DOCK6: variants seen among roughly 807,000 people sequenced by gnomAD.
DOCK6 encodes the protein dedicator of cytokinesis 6, also known as dedicator of cytokinesis protein 6.
A neutral mutation model predicts 230.3 loss-of-function variants in DOCK6; 167 were observed. The observed-to-expected ratio is 0.73, with a 90% confidence interval of 0.64 to 0.82. The LOEUF (loss-of-function observed/expected upper bound fraction) is 0.82, where lower values mean the gene tolerates loss of function less well. Among genes scored for constraint, DOCK6 ranks in the 40% least tolerant of loss-of-function variants. The probability of loss-of-function intolerance (pLI) is 0.00; values close to 1 mark genes in which losing one functional copy is unlikely to be tolerated. For missense variants in DOCK6, 2,598 were observed against 2,825.8 expected, an observed-to-expected ratio of 0.92 and a Z score of 1.83; for synonymous variants, 1,148 against 1,185.0, an observed-to-expected ratio of 0.97 and a Z score of 0.64.
chr19:11,244,805 G>T (rs1244047084), intron 9 of DOCK6, among the ~76,000 whole-genome samples: 1 of 151,908 alleles, frequency 6.6e-6, no homozygotes, highest in Non-Finnish European at 1.5e-5. Flanking sequence ...TGTTGGCAAG[G>T]TTGGTCTCAA....
chr19:11,252,060 G>C (rs1210781178), intron 5 of DOCK6, 59 bp downstream of exon 5: 2 of 1,558,634 alleles, frequency 1.3e-6, no homozygotes, highest in African/African-American at 1.4e-5. Context: ...GTGACCAAAA[G>C]CTGAGGCCGG....
At chr19:11,262,015 G>A (rs2080298661) in intron 1 of DOCK6, among the ~76,000 whole-genome samples, 1 of 152,172 alleles carries the variant, frequency 6.6e-6, no homozygotes, top group African/African-American at 2.4e-5. Context: ...GGCCCACCCC[G>A]ATCTCCGAGA....
At chr19:11,216,856 G>T in intron 30 of DOCK6, 58 bp downstream of exon 30, 2 of 1,575,026 alleles carry the variant, frequency 1.3e-6, no homozygotes, top group Non-Finnish European at 1.7e-6. Context: ...AGCACGCTGG[G>T]TCCCTGGGTA....
intron 30 of DOCK6, among the ~76,000 whole-genome samples, chr19:11,216,428 G>A (rs1250954707): frequency 6.8e-6 from 1 of 146,966 alleles, no homozygotes; most frequent in Non-Finnish European, 1.5e-5. Flanking sequence ...TTTTTTTTGA[G>A]ATGGAGTCTC....
At chr19:11,259,881 CTTTTTT>C (rs1205836383) in intron 1 of DOCK6, among the ~76,000 whole-genome samples, 2 of 67,780 alleles carry the variant, frequency 3.0e-5, no homozygotes, top group Non-Finnish European at 5.0e-5. Flanking sequence ...CGCGCCCGGC[CTTTTTT>C]TTTTTTTTTT....
rs376594140 is a variant in DOCK6, at chr19:11,200,744, G to T, written c.5911C>A (p.Arg1971=). ...PKLFRHHNKL[R]LCFKDFCKKC... is the part of the protein sequence containing the mutation. The stretch of plus-strand genomic sequence containing the variant: ...TTGCAGAAGTCCTTGAAGCAGAGCC[G>T]CAATTTGTTGTGATGCCGGAAGAGC... Residue 1971 remains arginine, a synonymous_variant, in exon 46 of 48, where the codon CGG becomes AGG. Transcript: ENST00000294618. This position sits in a 1 kb window ranked among gnomAD's most constrained non-coding sequence, Gnocchi z 4.3. 6.2e-7 allele frequency: 1 copy of T among 1,613,438 alleles called. No individual in the cohort carries two copies. Among genetic ancestry groups the T allele is most frequent in the Admixed American group, 1.7e-5 (1 of 59,982 alleles).
chr19:11,257,398 G>C (rs1335206847), intron 1 of DOCK6, among the ~76,000 whole-genome samples: 1 of 150,954 alleles, frequency 6.6e-6, no homozygotes, highest in Non-Finnish European at 1.5e-5. Flanking sequence ...AGGCCAAGGC[G>C]GGAGGATCGC....
intron 28 of DOCK6, among the ~76,000 whole-genome samples, chr19:11,219,727 T>C (rs2079551987): frequency 6.6e-6 from 1 of 151,018 alleles, no homozygotes; most frequent in Non-Finnish European, 1.5e-5. Context: ...GAGGCAGAGC[T>C]TGCAGTGAGC....
chr19:11,219,885 A>G (rs1243290235), intron 28 of DOCK6, among the ~76,000 whole-genome samples: 1 of 152,130 alleles, frequency 6.6e-6, no homozygotes, highest in Non-Finnish European at 1.5e-5. Context: ...ATTGAGGTAC[A>G]GTGAGGTTAA....
chr19:11,245,423 G>C, intron 9 of DOCK6, 140 bp downstream of exon 9: 1 of 934,804 alleles, frequency 1.1e-6, no homozygotes, highest in Non-Finnish European at 1.7e-6. Context: ...GTTGGATCAG[G>C]GGCCTCCTCC....
Position 11,222,161 on chromosome 19 carries a change from C to T in DOCK6, c.3328G>A (p.Ala1110Thr), listed in dbSNP as rs1234926525. 1.2e-6 allele frequency: 2 copies of T among 1,611,672 alleles called. No homozygotes were observed. The highest frequency in any genetic ancestry group is 1.7e-5 in the Admixed American group (1 of 59,592). ...GCCAGCTCCGTCAGCAGGAGCCCAG[C>T]TAGGAAGTGCTGCTGCCGGAATGGT... ...SGPFRQQHFL[A>T]GLLLTELALA... Residue 1110 changes from alanine to threonine, a missense_variant, in exon 27 of 48, where the codon GCT (alanine) becomes ACT (threonine). Coordinates refer to ENST00000294618, the MANE Select transcript of DOCK6 (RefSeq NM_020812.4). The surrounding 1 kb of genome is among the most constrained non-coding windows in gnomAD (Gnocchi z 4.0).
intron 39 of DOCK6, among the ~76,000 whole-genome samples, chr19:11,207,543 G>A (rs1424411040): frequency 6.6e-6 from 1 of 152,138 alleles, no homozygotes; most frequent in Non-Finnish European, 1.5e-5. Flanking sequence ...GGGTGTCCCA[G>A]CTACTTGGGA....
chr19:11,212,689 A>G (rs1309725294), intron 35 of DOCK6, among the ~76,000 whole-genome samples: 1 of 150,098 alleles, frequency 6.7e-6, no homozygotes, highest in Non-Finnish European at 1.5e-5. Flanking sequence ...CAGCCTTCCA[A>G]GTAGCTGGGA....
chr19:11,239,476 C>G, intron 14 of DOCK6: 1 of 906,786 alleles, frequency 1.1e-6, no homozygotes, highest in Non-Finnish European at 1.6e-6. Flanking sequence ...CCGGCGTGGC[C>G]TAGCCGGACA....
chr19:11,219,430 C>T (rs111653966), intron 28 of DOCK6, among the ~76,000 whole-genome samples: 8 of 147,154 alleles, frequency 5.4e-5, no homozygotes, highest in South Asian at 2.2e-4. Flanking sequence ...CCTTGTGATC[C>T]GCCCACCTCA....
chr19:11,222,895 C>T lies in DOCK6; in HGVS notation c.3080G>A (p.Arg1027Gln), dbSNP rs202113172. The change falls in exon 26 of 48, where the codon CGG (arginine) becomes CAG (glutamine). Residue 1027 changes from arginine to glutamine, a missense_variant. Coordinates refer to ENST00000294618, the MANE Select transcript of DOCK6 (RefSeq NM_020812.4). This position sits in a 1 kb window ranked among gnomAD's most constrained non-coding sequence, Gnocchi z 4.0. ...VRAHYKQVATRLQSSPNPAAL... is the reference protein window; with the variant it reads ...VRAHYKQVATQLQSSPNPAAL... ...TGCTGGATTAGGGGACGACTGGAGC[C>T]GCGTGGCCACCTGCAGGAGAGGGGT... The T allele has an allele frequency of 5.1e-5, 82 of 1,608,850 alleles. No individual in the cohort carries two copies. Among genetic ancestry groups the T allele is most frequent in the African/African-American group, 1.7e-4 (13 of 74,922 alleles).
At position 11,202,740 on chromosome 19, in the gene DOCK6, G is replaced by A. The variant is rs201488716; in HGVS notation, c.5236-31C>T. On this transcript the variant is annotated intron_variant, in intron 41 of 47. Transcript: ENST00000294618. The surrounding 1 kb of genome is among the most constrained non-coding windows in gnomAD (Gnocchi z 5.3). ...GCTGTGAGAAAGGGTGTGGTTGTCC[G>A]GGAGGCCCCTGCTGGAGGTCTCCCT... 7.6e-5 allele frequency: 122 copies of A among 1,611,574 alleles called. 1 individual carries two copies. The East Asian group carries it at 2.2e-3, about 29-fold the overall frequency.
Position 11,204,212 on chromosome 19 carries a change from C to A in DOCK6, c.5208G>T (p.Lys1736Asn). The change falls in exon 40 of 48, where the codon AAG becomes AAT. Residue 1736 changes from lysine (K) to asparagine (N), a missense_variant. Physicochemically the swap from Lys to Asn is moderately conservative, Grantham distance 94. Coordinates refer to ENST00000294618, the MANE Select transcript of DOCK6 (RefSeq NM_020812.4). ...GTCCTGGGCCCACCTGGTGCATGATCTTGGTGAAGGCCTCCTGCAGTTTGC... is the reference window on the plus strand; with the variant it reads ...GTCCTGGGCCCACCTGGTGCATGATATTGGTGAAGGCCTCCTGCAGTTTGC... The part of the protein sequence containing the change: ...VHGKLQEAFT[K>N]IMHQSSGWER... The A allele has an allele frequency of 6.4e-7, 1 of 1,558,426 alleles. No homozygotes were observed. Among genetic ancestry groups the A allele is most frequent in the African/African-American group, 1.4e-5 (1 of 73,434 alleles).
chr19:11,217,886 C>G (rs1440326714), intron 28 of DOCK6, among the ~76,000 whole-genome samples: 1 of 151,846 alleles, frequency 6.6e-6, no homozygotes, highest in African/African-American at 2.4e-5. Flanking sequence ...GAGTCTTGCT[C>G]TGTTGCCCCG....
Sources: gnomAD v4.1 joint callset for allele counts (sites outside exome capture counted in the v4.1 genomes callset) on GRCh38, gnomAD v4.1.1 for gene constraint, Gnocchi (gnomAD v3.1) non-coding constraint, MANE v1.5 for transcripts, NCBI Gene and HGNC (gene_info 2026-07-23, HGNC 2026-07-21) for gene names.